Variants in EXOC6B observed in about 807,000 individuals in gnomAD.
The protein encoded by EXOC6B is SEC15 homolog B.
A neutral mutation model predicts 113.5 loss-of-function variants in EXOC6B; 54 were observed. That is an observed-to-expected ratio of 0.48 (90% CI 0.38 to 0.60). EXOC6B has a LOEUF of 0.60. EXOC6B is among the 20% of genes least tolerant of loss of function. The probability of loss-of-function intolerance (pLI) is 0.00; values close to 1 mark genes in which losing one functional copy is unlikely to be tolerated. For synonymous variants in EXOC6B, 357 were observed against 339.0 expected, an observed-to-expected ratio of 1.05 and a Z score of -0.58; for missense variants, 797 against 977.5, an observed-to-expected ratio of 0.82 and a Z score of 2.46.
chr2:72,369,923 G>A (rs11677435), intron 19 of EXOC6B, among the ~76,000 whole-genome samples: 1 of 152,128 alleles, frequency 6.6e-6, no homozygotes, highest in African/African-American at 2.4e-5. Context: ...AGAAAACCTA[G>A]GCAATACCAT....
At chr2:72,611,155 G>C (rs1671047625) in intron 6 of EXOC6B, among the ~76,000 whole-genome samples, 1 of 152,024 alleles carries the variant, frequency 6.6e-6, no homozygotes, top group African/African-American at 2.4e-5. Context: ...ATGAGGACAG[G>C]AGTTCAAGAC....
chr2:72,650,977 T>C (rs1419655196), intron 6 of EXOC6B, among the ~76,000 whole-genome samples: 2 of 151,902 alleles, frequency 1.3e-5, no homozygotes, highest in Non-Finnish European at 2.9e-5. Flanking sequence ...AGATCCCATC[T>C]CTTAAAAAGA....
At chr2:72,697,332 A>T (rs1200609166) in intron 6 of EXOC6B, among the ~76,000 whole-genome samples, 1 of 152,058 alleles carries the variant, frequency 6.6e-6, no homozygotes, top group East Asian at 1.9e-4. Flanking sequence ...TCTCTTAAAA[A>T]TTTTTGAATA....
intron 1 of EXOC6B, among the ~76,000 whole-genome samples, chr2:72,791,070 T>C (rs1312997974): frequency 1.3e-5 from 2 of 152,190 alleles, no homozygotes; most frequent in East Asian, 3.8e-4. Context: ...TTAGTGTATA[T>C]TTTCAATAAA....
intron 6 of EXOC6B, among the ~76,000 whole-genome samples, chr2:72,715,903 G>C (rs1333356360): frequency 6.6e-6 from 1 of 152,140 alleles, no homozygotes; most frequent in African/African-American, 2.4e-5. Context: ...TGGGCCATTG[G>C]ACTGTTGCCC....
chr2:72,281,609 A>C (rs1485061373), intron 20 of EXOC6B, among the ~76,000 whole-genome samples: 1 of 152,226 alleles, frequency 6.6e-6, no homozygotes, highest in Non-Finnish European at 1.5e-5. Flanking sequence ...TCTAGACTGA[A>C]GCGGAAAGCA....
chr2:72,814,818 C>T (rs1212943553), intron 1 of EXOC6B, among the ~76,000 whole-genome samples: 6 of 151,946 alleles, frequency 3.9e-5, no homozygotes, highest in Non-Finnish European at 7.4e-5. Context: ...GGTGAAACCC[C>T]ATCTCTACTA....
chr2:72,194,569 TTCTCTCTC>T (rs141826011), intron 20 of EXOC6B, among the ~76,000 whole-genome samples: 10 of 143,794 alleles, frequency 7.0e-5, no homozygotes, highest in African/African-American at 1.6e-4. Context: ...GGTGAATGAT[TTCTCTCTC>T]TCTCTCTCTC....
chr2:72,221,393 G>A (rs531863430), intron 20 of EXOC6B, among the ~76,000 whole-genome samples: 10 of 152,080 alleles, frequency 6.6e-5, no homozygotes, highest in East Asian at 5.8e-4. Flanking sequence ...ACAGATATCC[G>A]CCTATTTCAT....
chr2:72,401,576 T>TAC (rs1693244997), intron 18 of EXOC6B, among the ~76,000 whole-genome samples: 1 of 25,918 alleles, frequency 3.9e-5, no homozygotes, highest in East Asian at 7.0e-4. Flanking sequence ...CATATATATA[T>TAC]ATATACATAT....
chr2:72,252,375 G>A (rs578220815), intron 20 of EXOC6B, among the ~76,000 whole-genome samples: 33 of 152,162 alleles, frequency 2.2e-4, no homozygotes, highest in African/African-American at 7.9e-4. Context: ...ACTGTTCCAC[G>A]AAGTTTTTCT....
intron 18 of EXOC6B, among the ~76,000 whole-genome samples, chr2:72,384,701 GGT>G (rs1448558276): frequency 6.6e-6 from 1 of 151,730 alleles, no homozygotes; most frequent in Non-Finnish European, 1.5e-5. Flanking sequence ...GCAAATATCA[GGT>G]GTGTTTCTAT....
intron 20 of EXOC6B, among the ~76,000 whole-genome samples, chr2:72,240,124 A>G (rs1474991477): frequency 1.3e-5 from 2 of 152,200 alleles, no homozygotes; most frequent in Non-Finnish European, 2.9e-5. Flanking sequence ...ATCTACAAAT[A>G]AAGATAGTGT....
rs778249486 is a variant in EXOC6B, at chr2:72,179,401, G to A, written c.2370C>T (p.Asp790=). The A allele has an allele frequency of 6.2e-7, 1 of 1,613,746 alleles. No homozygotes were observed. Among genetic ancestry groups the A allele is most frequent in the Admixed American group, 1.7e-5 (1 of 59,990 alleles). The change falls in exon 22 of 22, where the codon GAC becomes GAT. Residue 790 remains aspartate (D), a synonymous_variant. Coordinates refer to ENST00000272427, the MANE Select transcript of EXOC6B (RefSeq NM_015189.3). The part of the protein sequence containing the change: ...MFAQFRKNER[D]KQKLIDTVAK... ...CCACGGTGTCAATGAGTTTCTGCTT[G>A]TCTCGCTCATTTTTCCGAAACTGTG...
chr2:72,498,373 T>C (rs1391719921), intron 13 of EXOC6B, 81 bp downstream of exon 13: 2 of 916,858 alleles, frequency 2.2e-6, no homozygotes, highest in Non-Finnish European at 3.3e-6. Context: ...CTATAACATC[T>C]GAAAACCTTT....
chr2:72,218,267 G>T (rs930876571), intron 20 of EXOC6B, among the ~76,000 whole-genome samples: 10 of 152,208 alleles, frequency 6.6e-5, no homozygotes, highest in African/African-American at 2.4e-4. Context: ...GTTTCAGGTT[G>T]CTTCCTATTC....
At chr2:72,435,525 A>C (rs1039295085) in intron 18 of EXOC6B, among the ~76,000 whole-genome samples, 1 of 152,066 alleles carries the variant, frequency 6.6e-6, no homozygotes, top group African/African-American at 2.4e-5. Context: ...TCCCACTATT[A>C]TTGTGTGGGA....
chr2:72,820,932 AG>A (rs1279738044), intron 1 of EXOC6B, among the ~76,000 whole-genome samples: 2 of 152,100 alleles, frequency 1.3e-5, no homozygotes, highest in Non-Finnish European at 2.9e-5. Flanking sequence ...ATTACGCAAA[AG>A]TTTCCTAAAT....
chr2:72,767,749 G>A (rs1683155612), intron 1 of EXOC6B, among the ~76,000 whole-genome samples: 2 of 134,550 alleles, frequency 1.5e-5, no homozygotes, highest in South Asian at 5.0e-4. Context: ...GGAGGTGGAG[G>A]TTGCAGTGAG....
Sources: gnomAD v4.1 joint callset for allele counts (sites outside exome capture counted in the v4.1 genomes callset) on GRCh38, gnomAD v4.1.1 for gene constraint, MANE v1.5 for transcripts, NCBI Gene and HGNC (gene_info 2026-07-23, HGNC 2026-07-21) for gene names.